Variants in NLRC5 observed in about 807,000 individuals in gnomAD.
NLRC5 encodes the protein NLR family CARD domain containing 5.
Under a neutral mutation model 206.9 loss-of-function variants are expected in NLRC5, and 114 were observed. The ratio of observed to expected loss-of-function variants is 0.55; its 90% CI spans 0.47 to 0.64. NLRC5 has a LOEUF of 0.64. Ranked by LOEUF, NLRC5 falls within the 30% of genes least tolerant of loss-of-function variation. NLRC5 has a pLI of 0.00. For synonymous variants in NLRC5, 952 were observed against 962.8 expected, an observed-to-expected ratio of 0.99 and a Z score of 0.21; for missense variants, 2,008 against 2,305.5, an observed-to-expected ratio of 0.87 and a Z score of 2.64.
intron 19 of NLRC5, 151 bp downstream of exon 19, chr16:57,042,216 T>TG (rs2063373005): frequency 2.2e-6 from 1 of 457,548 alleles, no homozygotes; most frequent in Admixed American, 4.2e-5. Context: ...CGGTGAAGGC[T>TG]AGCTAATAGA....
chr16:57,023,801 T>A lies in NLRC5; in HGVS notation c.372T>A (p.His124Gln). 1 of 1,612,130 alleles carries A rather than the reference T, an allele frequency of 6.2e-7. No individual in the cohort carries two copies. The highest frequency in any genetic ancestry group is 8.5e-7 in the Non-Finnish European group (1 of 1,179,008). Residue 124 changes from histidine (H) to glutamine (Q), a missense_variant, in exon 5 of 49, where the codon CAT (histidine) becomes CAA (glutamine). Coordinates refer to ENST00000688547, the MANE Select transcript of NLRC5 (RefSeq NM_001384950.1). Reference sequence around the variant, plus strand: ...CTTTTTCAGGCCTGAAGCGCCCACATCAGAGCTGTGGGTCCTCACCCCGCC... The same window carrying A: ...CTTTTTCAGGCCTGAAGCGCCCACAACAGAGCTGTGGGTCCTCACCCCGCC... The part of the protein sequence containing the change: ...SQLHHGLKRP[H>Q]QSCGSSPRRK...
rs186383206 is a variant in NLRC5 at position 57,045,212 on chromosome 16, C to T, written c.3204-236C>T. On this transcript the variant is annotated intron_variant, in intron 20 of 48. Transcript: ENST00000688547. ...ACAGAGCAAGACCCTTTCTTCGAAA[C>T]AACAACAAAGAAGAATTTCTTACCT... is the stretch of plus-strand genomic sequence containing the variant. 1.3e-5 allele frequency: 7 copies of T among 528,454 alleles called. No homozygotes were observed. In the East Asian group the frequency reaches 2.3e-4, roughly 18 times the overall value. 32.7% of individuals were successfully genotyped at this position (528,454 alleles called of 1,614,324 possible).
At chr16:57,054,896 T>C in intron 25 of NLRC5, 56 bp downstream of exon 25, 2 of 1,592,264 alleles carry the variant, frequency 1.3e-6, no homozygotes, top group Non-Finnish European at 1.7e-6. Context: ...GCCTGGAGTC[T>C]GGTGGGTATG....
chr16:57,025,804 C>T lies in NLRC5; in HGVS notation c.861C>T (p.Asp287=). ...LFDLYLSPES[D]HDTVFQYLEK... is the part of the protein sequence containing the mutation. ...ATCTGTACCTGAGCCCTGAATCGGACCACGACACTGTCTTCCAGTACCTGG... is the reference window on the plus strand; with the variant it reads ...ATCTGTACCTGAGCCCTGAATCGGATCACGACACTGTCTTCCAGTACCTGG... Residue 287 remains aspartate, a synonymous_variant, in exon 6 of 49, where the codon GAC becomes GAT. Coordinates refer to ENST00000688547, the MANE Select transcript of NLRC5 (RefSeq NM_001384950.1). 2 of 1,614,244 alleles carry T rather than the reference C, an allele frequency of 1.2e-6. 1 individual carries two copies. Among genetic ancestry groups the T allele is most frequent in the East Asian group, 4.5e-5 (2 of 44,878 alleles).
chr16:57,049,792 C>T (rs764585544), intron 23 of NLRC5, among the ~76,000 whole-genome samples: 18 of 151,972 alleles, frequency 1.2e-4, no homozygotes, highest in Non-Finnish European at 1.8e-4. Flanking sequence ...CAGCACTGGG[C>T]GGTCTGAGCA....
intron 1 of NLRC5, among the ~76,000 whole-genome samples, chr16:56,997,786 G>A (rs2057787029): frequency 6.6e-6 from 1 of 152,050 alleles, no homozygotes; most frequent in Non-Finnish European, 1.5e-5. Flanking sequence ...TCTCCATGTT[G>A]CCCAGGCTGG....
At chr16:57,060,124 A>G (rs1459781099) in intron 30 of NLRC5, among the ~76,000 whole-genome samples, 3 of 151,210 alleles carry the variant, frequency 2.0e-5, no homozygotes, top group African/African-American at 7.3e-5. Context: ...GTCTTACTTC[A>G]GCTGTGAACA....
intron 39 of NLRC5, 135 bp downstream of exon 39, chr16:57,074,818 C>A: frequency 1.2e-6 from 1 of 808,214 alleles, no homozygotes; most frequent in Non-Finnish European, 2.1e-6. Context: ...ATCCCTGTGC[C>A]CTCCCAGGTG....
chr16:57,077,279 C>T lies in NLRC5; in HGVS notation c.4836-17C>T, dbSNP rs373868231. The T allele has an allele frequency of 1.2e-6, 2 of 1,611,070 alleles. No homozygotes were observed. The highest frequency in any genetic ancestry group is 1.3e-5 in the African/African-American group (1 of 74,854). On this transcript the variant is annotated splice_polypyrimidine_tract_variant and intron_variant, in intron 40 of 48. Transcript: ENST00000688547. ...ATGAGACGGCAGAAGGCTGATGAAG[C>T]TGTTTTCTCCCCCAAGCTTGAGCCA...
At chr16:57,014,824 A>G (rs2059864649) in intron 1 of NLRC5, among the ~76,000 whole-genome samples, 1 of 152,136 alleles carries the variant, frequency 6.6e-6, no homozygotes, top group African/African-American at 2.4e-5. Context: ...TGGTGTCTGG[A>G]GAGGATGCGC....
chr16:57,029,516 G>A (rs376178921), intron 8 of NLRC5, among the ~76,000 whole-genome samples: 180 of 152,296 alleles, frequency 1.2e-3, no homozygotes, highest in Middle Eastern at 0.01. Context: ...TGAAGAGGCC[G>A]TCAGTCTGTC....
intron 30 of NLRC5, 53 bp downstream of exon 30, chr16:57,059,585 C>T: frequency 8.0e-6 from 12 of 1,506,992 alleles, no homozygotes; most frequent in Non-Finnish European, 1.1e-5. Context: ...AGGAGGCTGA[C>T]CCTATGGCGG....
intron 43 of NLRC5, 52 bp downstream of exon 43, chr16:57,078,072 C>T (rs768036547): frequency 7.4e-5 from 106 of 1,434,658 alleles, no homozygotes; most frequent in Middle Eastern, 6.0e-4. Context: ...GGAGGGTCCT[C>T]GGGAGCAGTG....
intron 1 of NLRC5, among the ~76,000 whole-genome samples, chr16:57,010,647 A>G (rs2059390616): frequency 6.6e-6 from 1 of 152,216 alleles, no homozygotes; most frequent in Non-Finnish European, 1.5e-5. Flanking sequence ...TGTTGGGATT[A>G]CAGGCGTGAG....
In NLRC5 at chr16:57,083,295, AGT is replaced by A. The variant is rs2069350937; in HGVS notation, c.*768_*769del. On this transcript the variant is annotated 3_prime_UTR_variant, in exon 49 of 49. Coordinates refer to ENST00000688547, the MANE Select transcript of NLRC5 (RefSeq NM_001384950.1). ...CAGCCTGGCGGGAGTGGAGAAGCCC[AGT>A]CTGTCCTATGTAAGGGACAAAGCCA... 1 of 152,326 alleles carries A rather than the reference AGT, an allele frequency of 6.6e-6. No individual in the cohort carries two copies. Among genetic ancestry groups the A allele is most frequent in the Non-Finnish European group, 1.5e-5 (1 of 68,116 alleles). 9.4% of individuals were successfully genotyped at this position (152,326 alleles called of 1,614,324 possible). A position where few individuals can be genotyped will look rare whatever the true frequency, so the allele number is the denominator to read the frequency against.
At chr16:57,070,343 A>G in intron 37 of NLRC5, among the ~76,000 whole-genome samples, 192 bp from the exon 38 acceptor site, 1 of 152,012 alleles carries the variant, frequency 6.6e-6, no homozygotes, top group Non-Finnish European at 1.5e-5. Context: ...TGTGACTATC[A>G]TGCCTACCCA....
At chr16:57,081,255 G>GGA in intron 47 of NLRC5, 74 bp downstream of exon 47, 2 of 1,403,426 alleles carry the variant, frequency 1.4e-6, no homozygotes, top group Non-Finnish European at 1.9e-6. Context: ...GAGGCCACTG[G>GGA]GTCAGTCCCC....
At chr16:57,037,753 C>A (rs2062784783) in intron 15 of NLRC5, among the ~76,000 whole-genome samples, 1 of 152,222 alleles carries the variant, frequency 6.6e-6, no homozygotes, top group African/African-American at 2.4e-5. Context: ...CAGACCCAGG[C>A]TCTGCCACTA....
intron 22 of NLRC5, 81 bp downstream of exon 22, chr16:57,046,722 G>A: frequency 8.5e-7 from 1 of 1,175,836 alleles, no homozygotes; most frequent in Non-Finnish European, 1.2e-6. Flanking sequence ...CAGGGGGCTA[G>A]GGCTGGGGAT....
Sources: allele counts gnomAD v4.1 joint callset (sites outside exome capture counted in the v4.1 genomes callset), GRCh38; gene constraint gnomAD v4.1.1; transcripts MANE v1.5; gene names NCBI Gene and HGNC (gene_info 2026-07-23, HGNC 2026-07-21).